The following CCDC158 variants were observed in gnomAD, a reference collection of about 807,000 sequenced individuals.
CCDC158 encodes coiled-coil domain-containing protein 158.
Under a neutral mutation model 138.6 loss-of-function variants are expected in CCDC158, and 116 were observed. The ratio of observed to expected loss-of-function variants is 0.84; its 90% CI spans 0.72 to 0.98. CCDC158 has a LOEUF of 0.98. Ranked by LOEUF, CCDC158 falls within the 50% of genes least tolerant of loss-of-function variation. The pLI is 0.00. For synonymous variants in CCDC158, 436 were observed against 442.4 expected, an observed-to-expected ratio of 0.99 and a Z score of 0.18; for missense variants, 1,265 against 1,306.1, an observed-to-expected ratio of 0.97 and a Z score of 0.48.
At chr4:76,339,797 G>A (rs961524261) in intron 18 of CCDC158, among the ~76,000 whole-genome samples, 4 of 152,188 alleles carry the variant, frequency 2.6e-5, no homozygotes, top group Admixed American at 2.0e-4. Flanking sequence ...GCTGAAAAAT[G>A]TCACCTGAAC....
rs186807354 is a variant in CCDC158 at position 76,334,897 on chromosome 4, T to C, written c.2665-730A>G. 2.8e-3 allele frequency among the ~76,000 whole-genome samples: 422 copies of C among 152,298 alleles called. 2 individuals carry two copies. Among genetic ancestry groups the C allele is most frequent in the African/African-American group, 9.2e-3 (381 of 41,558 alleles). ...CTGAGGGATGAACACTGCAGATTTT[T>C]TATTCACTGGGCTTTAATTTTCTAG... On this transcript the variant is annotated intron_variant, in intron 18 of 24. Transcript: ENST00000682701.
intron 14 of CCDC158, 112 bp from the exon 15 acceptor site, chr4:76,355,548 C>T (rs1723466648): frequency 1.3e-6 from 1 of 754,470 alleles, no homozygotes; most frequent in South Asian, 1.5e-5. Context: ...TCCAAGGTAT[C>T]TGGGCAGTTT....
At position 76,328,932 on chromosome 4, in the gene CCDC158, T is replaced by C. The variant is rs758353635; in HGVS notation, c.2978A>G (p.Asp993Gly). The change falls in exon 22 of 25, where the codon GAT becomes GGT. Residue 993 changes from aspartate to glycine, a missense_variant. By Grantham distance (94) the Asp-to-Gly change is moderately conservative. Transcript: ENST00000682701. Reference protein sequence around the residue: ...PVTLHAGDREDPSGCFTFTSA... With the variant: ...PVTLHAGDREGPSGCFTFTSA... Reference sequence around the variant, plus strand: ...TGTGAATGTGAAGCAACCAGAGGGATCTTCCCTGTCTCCTGCGTGTAATGT... The same window carrying C: ...TGTGAATGTGAAGCAACCAGAGGGACCTTCCCTGTCTCCTGCGTGTAATGT... 4.3e-6 allele frequency: 7 copies of C among 1,614,014 alleles called. No homozygotes were observed. The South Asian group carries it at 6.6e-5, about 15-fold the overall frequency.
rs772828850 is a variant in CCDC158, at chr4:76,369,466, T to C, written c.1307A>G (p.Lys436Arg). ...MEVQRLEALL[K>R]ALKSECQGQM... ...GCCCTGACACTCGCTCTTCAAGGCC[T>C]TGAGCAGGGCTTCCAGGCGCTGCAC... The change falls in exon 11 of 25, where the codon AAG becomes AGG. Residue 436 changes from lysine (K) to arginine (R), a missense_variant. Lys to Arg is a conservative substitution (Grantham distance 26). Coordinates refer to ENST00000682701, the MANE Select transcript of CCDC158 (RefSeq NM_001394954.1). 26 of 1,614,066 alleles carry C rather than the reference T, an allele frequency of 1.6e-5. No individual in the cohort carries two copies. Among genetic ancestry groups the C allele is most frequent in the East Asian group, 2.2e-5 (1 of 44,896 alleles).
At chr4:76,400,726 A>G (rs1728296402) in intron 3 of CCDC158, among the ~76,000 whole-genome samples, 1 of 152,130 alleles carries the variant, frequency 6.6e-6, no homozygotes, top group African/African-American at 2.4e-5. Context: ...ACTGACTTTG[A>G]AGTGGAAAAT....
At chr4:76,403,390 C>G (rs147590632) in intron 2 of CCDC158, 110 bp from the exon 3 acceptor site, 1 of 428,906 alleles carries the variant, frequency 2.3e-6, no homozygotes, top group African/African-American at 2.1e-5. Context: ...AATTTCTTCT[C>G]CAGAAAAATA....
chr4:76,351,490 A>G (rs1194484820), intron 17 of CCDC158, among the ~76,000 whole-genome samples: 1 of 152,108 alleles, frequency 6.6e-6, no homozygotes, highest in African/African-American at 2.4e-5. Flanking sequence ...AAACTCACCT[A>G]TTTTAAACTC....
At chr4:76,418,744 G>T (rs1321896418) in intron 1 of CCDC158, among the ~76,000 whole-genome samples, 1 of 152,096 alleles carries the variant, frequency 6.6e-6, no homozygotes, top group Non-Finnish European at 1.5e-5. Flanking sequence ...ACCTTCCACT[G>T]GGTCCCTCCC....
At chr4:76,353,544 A>G (rs1295292651) in intron 15 of CCDC158, among the ~76,000 whole-genome samples, 1 of 152,216 alleles carries the variant, frequency 6.6e-6, no homozygotes, top group Non-Finnish European at 1.5e-5. Context: ...TGAAATAACT[A>G]TATTGTCATA....
chr4:76,347,432 T>A (rs1722667065), intron 18 of CCDC158, among the ~76,000 whole-genome samples: 1 of 152,034 alleles, frequency 6.6e-6, no homozygotes, highest in South Asian at 2.1e-4. Flanking sequence ...CTGGAAACCA[T>A]CATTCTCAGC....
At chr4:76,418,029 C>T (rs541577422) in intron 1 of CCDC158, among the ~76,000 whole-genome samples, 30 of 152,180 alleles carry the variant, frequency 2.0e-4, no homozygotes, top group East Asian at 9.7e-4. Context: ...GTGAGGTTGG[C>T]GGAGGTAAAG....
At chr4:76,365,478 T>C (rs1724564452) in intron 12 of CCDC158, among the ~76,000 whole-genome samples, 1 of 152,240 alleles carries the variant, frequency 6.6e-6, no homozygotes, top group Non-Finnish European at 1.5e-5. Context: ...GATGCCAGAT[T>C]AATCCACTTC....
chr4:76,329,412 G>A (rs182700358), intron 21 of CCDC158, among the ~76,000 whole-genome samples: 99 of 152,092 alleles, frequency 6.5e-4, no homozygotes, highest in Non-Finnish European at 9.6e-4. Context: ...GTGAAACCCC[G>A]TCTCTACTAA....
chr4:76,391,937 G>A (rs1400254303), intron 4 of CCDC158, among the ~76,000 whole-genome samples: 9 of 151,856 alleles, frequency 5.9e-5, no homozygotes, highest in Admixed American at 5.9e-4. Context: ...CAAATTCCTA[G>A]ACACATTCAA....
chr4:76,384,128 A>T lies in CCDC158; in HGVS notation c.686T>A (p.Leu229Ter), dbSNP rs1181079086. Reference protein sequence around the residue: ...GSAISKILRELDTEISYLKGR... With the variant: ...GSAISKILRE ...TTTAAGATAAGAAATCTCTGTGTCT[A>T]ATTCTCTTAGTATTTTACTAATAGC... The change falls in exon 6 of 25, where the codon TTA becomes TAA. Residue 229 changes from leucine to a stop codon, truncating the protein, a stop_gained. Transcript: ENST00000682701. LOFTEE classifies it high-confidence loss of function. 2 of 1,612,784 alleles carry T rather than the reference A, an allele frequency of 1.2e-6. No individual in the cohort carries two copies. The highest frequency in any genetic ancestry group is 2.7e-5 in the African/African-American group (2 of 74,914).
chr4:76,336,247 T>C (rs1721497529), intron 18 of CCDC158, among the ~76,000 whole-genome samples: 1 of 139,938 alleles, frequency 7.1e-6, no homozygotes, highest in Non-Finnish European at 1.5e-5. Context: ...TTAATTATAA[T>C]CAGTCCTATG....
intron 16 of CCDC158, 56 bp downstream of exon 16, chr4:76,353,067 A>G: frequency 2.1e-6 from 3 of 1,428,374 alleles, no homozygotes; most frequent in Non-Finnish European, 1.9e-6. Flanking sequence ...GAACAATTCT[A>G]TTTGGTTAAT....
chr4:76,379,327 G>C lies in CCDC158; in HGVS notation c.992C>G (p.Ser331Cys), dbSNP rs1295979025. Residue 331 changes from serine to cysteine, a missense_variant, in exon 9 of 25, where the codon TCT becomes TGT. Coordinates refer to ENST00000682701, the MANE Select transcript of CCDC158 (RefSeq NM_001394954.1). ...DLESTVSQLR[S>C]ELREAKRMYE... ...CATCCTTTTGGCTTCCCTTAATTCA[G>C]AACGTAGCTGAGAAACAGTAGATTC... The C allele has an allele frequency of 1.9e-6, 3 of 1,609,648 alleles. No homozygotes were observed. Among genetic ancestry groups the C allele is most frequent in the Non-Finnish European group, 1.7e-6 (2 of 1,178,646 alleles).
At chr4:76,373,153 T>C (rs926056299) in intron 9 of CCDC158, among the ~76,000 whole-genome samples, 10 of 152,144 alleles carry the variant, frequency 6.6e-5, no homozygotes, top group Non-Finnish European at 1.2e-4. Flanking sequence ...CCGGCCTCTA[T>C]AGTTCTTTAT....
Sources: gnomAD v4.1 joint callset for allele counts (sites outside exome capture counted in the v4.1 genomes callset) on GRCh38, gnomAD v4.1.1 for gene constraint, MANE v1.5 for transcripts, NCBI Gene and HGNC (gene_info 2026-07-23, HGNC 2026-07-21) for gene names.